DLGAP2: variants seen among roughly 807,000 people sequenced by gnomAD.
The protein encoded by DLGAP2 is DLG associated protein 2.
A neutral mutation model predicts 100.3 loss-of-function variants in DLGAP2; 26 were observed. The observed-to-expected ratio is 0.26, with a 90% CI of 0.19 to 0.36. The LOEUF (loss-of-function observed/expected upper bound fraction) is 0.36. Among genes scored for constraint, DLGAP2 ranks in the 10% least tolerant of loss-of-function variants. The probability of loss-of-function intolerance (pLI) is 1.00; values close to 1 mark genes in which losing one functional copy is unlikely to be tolerated. For missense variants in DLGAP2, 1,858 were observed against 1,453.2 expected (o/e 1.28, Z -4.53); for synonymous variants, 886 against 630.1 (o/e 1.41, Z -6.08).
rs1799629416 is a variant in DLGAP2 at position 1,703,503 on chromosome 8, T to G, written c.*2097T>G. On this transcript the variant is annotated 3_prime_UTR_variant, in exon 15 of 15. Transcript: ENST00000637795. ...TAGACTTTAAAAATGCTGTATGATTTCAGATGAACTCTGCTGTTTAGAAGT... is the reference window on the plus strand; with the variant it reads ...TAGACTTTAAAAATGCTGTATGATTGCAGATGAACTCTGCTGTTTAGAAGT... The G allele has an allele frequency of 6.6e-6, 1 of 152,560 alleles. No homozygotes were observed. The highest frequency in any genetic ancestry group is 1.5e-5 in the Non-Finnish European group (1 of 68,034). 9.5% of individuals were successfully genotyped at this position (152,560 alleles called of 1,614,324 possible).
At chr8:1,479,079 A>G (rs1361685605) in intron 3 of DLGAP2, among the ~76,000 whole-genome samples, 1 of 152,224 alleles carries the variant, frequency 6.6e-6, no homozygotes, top group Admixed American at 6.5e-5. Context: ...TGAGAGCACA[A>G]AGGCCTCTGA....
intron 2 of DLGAP2, among the ~76,000 whole-genome samples, chr8:1,098,449 A>G (rs929790164): frequency 6.6e-6 from 1 of 152,140 alleles, no homozygotes; most frequent in Non-Finnish European, 1.5e-5. Flanking sequence ...GCTTTTTTAC[A>G]ACTTGGTGGG....
In DLGAP2 at chr8:1,553,431, G is replaced by T. The variant is rs4876089; in HGVS notation, c.1230+3748G>T. ...CCCATTTTGTTTGGCGTGTTCACGG[G>T]CAGCAGCCCTGTTTTATTCGGCGTG... On this transcript the variant is annotated intron_variant, in intron 5 of 14. Transcript: ENST00000637795. Among the ~76,000 whole-genome samples, 101 of 8,748 alleles carry T rather than the reference G, an allele frequency of 0.012. No homozygotes were observed. In the East Asian group the frequency reaches 0.22, roughly 19 times the overall value. 5.7% of individuals were successfully genotyped at this position (8,748 alleles called of 152,430 possible).
intron 2 of DLGAP2, among the ~76,000 whole-genome samples, chr8:1,086,975 A>G (rs557775802): frequency 6.6e-6 from 1 of 152,342 alleles, no homozygotes; most frequent in African/African-American, 2.4e-5. Flanking sequence ...GCACACGTGG[A>G]ACATTCCTCA....
intron 2 of DLGAP2, among the ~76,000 whole-genome samples, chr8:1,109,230 T>C (rs75826955): frequency 2.8e-3 from 4 of 1,442 alleles, no homozygotes; most frequent in African/African-American, 0.01. Context: ...CTGTGAGGTG[T>C]GCACGGGTCT....
rs1026026276 is a variant in DLGAP2, at chr8:1,257,795, C to A, written c.74-1056C>A. Among the ~76,000 whole-genome samples, 90 of 152,338 alleles carry A rather than the reference C, an allele frequency of 5.9e-4. 1 individual carries two copies. The highest frequency in any genetic ancestry group is 2.1e-3 in the African/African-American group (87 of 41,578). ...GAGGGCCCGTGCAGGCCAGTGCTGT[C>A]CCTGCAGTCTTGATATCTGACGCAC... On this transcript the variant is annotated intron_variant, in intron 2 of 14. Transcript: ENST00000637795.
intron 2 of DLGAP2, among the ~76,000 whole-genome samples, chr8:1,167,810 C>T (rs1585117082): frequency 6.6e-6 from 1 of 151,226 alleles, no homozygotes; most frequent in East Asian, 2.0e-4. Context: ...TATAAAGTAC[C>T]TGGTTGAGGT....
chr8:1,275,076 C>G, intron 3 of DLGAP2, among the ~76,000 whole-genome samples: 1 of 152,152 alleles, frequency 6.6e-6, no homozygotes, highest in East Asian at 1.9e-4. Flanking sequence ...CCAGCCCAGG[C>G]AGAGAGGATC....
chr8:1,253,291 C>T (rs756277356), intron 2 of DLGAP2, among the ~76,000 whole-genome samples: 34 of 152,258 alleles, frequency 2.2e-4, no homozygotes, highest in African/African-American at 6.7e-4. Flanking sequence ...CCTTTCTTCC[C>T]GGGGCTCCAG....
intron 3 of DLGAP2, among the ~76,000 whole-genome samples, chr8:1,442,662 C>T (rs917929300): frequency 1.7e-4 from 25 of 145,506 alleles, no homozygotes; most frequent in Middle Eastern, 3.8e-3. Context: ...GAGACGGATC[C>T]GGGCATAGAC....
intron 2 of DLGAP2, among the ~76,000 whole-genome samples, chr8:1,058,934 G>A (rs1159014253): frequency 1.3e-5 from 2 of 152,226 alleles, no homozygotes; most frequent in African/African-American, 4.8e-5. Flanking sequence ...GGTGTTAGAA[G>A]CTTGAGGTGG....
intron 3 of DLGAP2, among the ~76,000 whole-genome samples, chr8:1,462,565 T>C (rs1798490317): frequency 6.6e-6 from 1 of 151,818 alleles, no homozygotes; most frequent in African/African-American, 2.4e-5. Context: ...GGTGTTCAGG[T>C]TGGGAGAAGG....
chr8:1,266,816 A>T (rs527823383), intron 3 of DLGAP2, among the ~76,000 whole-genome samples: 1 of 152,260 alleles, frequency 6.6e-6, no homozygotes, highest in East Asian at 1.9e-4. Context: ...ACTTTGGAAT[A>T]CATGCCCTCT....
chr8:957,287 C>T (rs1025900689), intron 2 of DLGAP2, among the ~76,000 whole-genome samples: 4 of 152,238 alleles, frequency 2.6e-5, no homozygotes, highest in South Asian at 2.1e-4. Flanking sequence ...CATGGCACCA[C>T]GGATGACCCT....
In DLGAP2 at chr8:1,139,469, C is replaced by T. The variant is rs77343649; in HGVS notation, c.74-119382C>T. ...TCACAGATAACACCCTCTCATGTGT[C>T]CTCACGTGGAGCAAGGGGCCTCCCT... On this transcript the variant is annotated intron_variant, in intron 2 of 14. Transcript: ENST00000637795. 5.7e-3 allele frequency among the ~76,000 whole-genome samples: 866 copies of T among 152,282 alleles called. 11 individuals carry two copies. Among genetic ancestry groups the T allele is most frequent in the South Asian group, 0.034 (162 of 4,822 alleles).
chr8:1,597,165 A>T (rs564542410), intron 6 of DLGAP2, among the ~76,000 whole-genome samples: 1 of 152,286 alleles, frequency 6.6e-6, no homozygotes, highest in South Asian at 2.1e-4. Context: ...GTCAAAGATC[A>T]GATGGTCGTA....
intron 2 of DLGAP2, among the ~76,000 whole-genome samples, chr8:964,335 C>T (rs928019747): frequency 6.6e-6 from 1 of 152,208 alleles, no homozygotes; most frequent in African/African-American, 2.4e-5. Flanking sequence ...GCCCTGGTGG[C>T]GCTGTACTGT....
chr8:1,000,970 G>C (rs1800938642), intron 2 of DLGAP2, among the ~76,000 whole-genome samples: 1 of 152,162 alleles, frequency 6.6e-6, no homozygotes, highest in Admixed American at 6.5e-5. Flanking sequence ...CCTCAGTGTA[G>C]GCAGGAGTGC....
At chr8:1,471,961 T>C (rs906957781) in intron 3 of DLGAP2, among the ~76,000 whole-genome samples, 7 of 152,268 alleles carry the variant, frequency 4.6e-5, no homozygotes, top group African/African-American at 1.4e-4. Flanking sequence ...TAAATCGTTC[T>C]TTAATCCTTC....
Sources: gnomAD v4.1 joint callset for allele counts (sites outside exome capture counted in the v4.1 genomes callset) on GRCh38, gnomAD v4.1.1 for gene constraint, MANE v1.5 for transcripts, NCBI Gene and HGNC (gene_info 2026-07-23, HGNC 2026-07-21) for gene names.